Variants in PRR16 observed in about 807,000 individuals in gnomAD.
PRR16 encodes the protein protein Largen.
In PRR16, 6 loss-of-function variants were observed where a neutral mutation model predicts 18.2. The observed-to-expected ratio is 0.33, with a 90% CI of 0.18 to 0.65. The LOEUF (loss-of-function observed/expected upper bound fraction) is 0.65, where lower values mean the gene tolerates loss of function less well. PRR16 is among the 30% of genes least tolerant of loss of function. The pLI is 0.74. For synonymous variants in PRR16, 151 were observed against 147.8 expected, an observed-to-expected ratio of 1.02 and a Z score of -0.16; for missense variants, 412 against 376.6, an observed-to-expected ratio of 1.09 and a Z score of -0.78.
chr5:120,636,736 A>G (rs2112848857), intron 1 of PRR16, among the ~76,000 whole-genome samples: 1 of 152,244 alleles, frequency 6.6e-6, no homozygotes, highest in Non-Finnish European at 1.5e-5. Flanking sequence ...ACACTTCATG[A>G]TCAAGAACCC....
At chr5:120,483,509 A>T (rs1231582389) in intron 1 of PRR16, among the ~76,000 whole-genome samples, 3 of 152,234 alleles carry the variant, frequency 2.0e-5, no homozygotes, top group East Asian at 1.9e-4. Context: ...AATACATTTG[A>T]CATTATTTCT....
At chr5:120,733,298 G>A in the PRR16 span, among the ~76,000 whole-genome samples, 3 of 151,918 alleles carry the variant, frequency 2.0e-5, no homozygotes, top group Admixed American at 6.6e-5. Flanking sequence ...CTACAGGAGT[G>A]TGCCATCATG....
At chr5:120,655,939 C>G (rs1409243022) in intron 1 of PRR16, among the ~76,000 whole-genome samples, 1 of 151,810 alleles carries the variant, frequency 6.6e-6, no homozygotes, top group Non-Finnish European at 1.5e-5. Flanking sequence ...CCTTGAATCA[C>G]TATCACTGTC....
intron 1 of PRR16, among the ~76,000 whole-genome samples, chr5:120,580,261 T>C (rs1366682140): frequency 6.6e-6 from 1 of 152,100 alleles, no homozygotes; most frequent in Non-Finnish European, 1.5e-5. Flanking sequence ...GAACTTCCAA[T>C]ACTATGTTGA....
chr5:120,629,608 C>T (rs1754988014), intron 1 of PRR16, among the ~76,000 whole-genome samples: 1 of 152,038 alleles, frequency 6.6e-6, no homozygotes, highest in Non-Finnish European at 1.5e-5. Context: ...TACAACATTG[C>T]TTCTTTAAAT....
At chr5:120,655,576 A>G (rs530664888) in intron 1 of PRR16, among the ~76,000 whole-genome samples, 1 of 151,894 alleles carries the variant, frequency 6.6e-6, no homozygotes, top group East Asian at 1.9e-4. Context: ...TTTTCCCCCA[A>G]AATATTTCTT....
chr5:120,583,931 A>C (rs1753354526), intron 1 of PRR16, among the ~76,000 whole-genome samples: 1 of 152,232 alleles, frequency 6.6e-6, no homozygotes, highest in Non-Finnish European at 1.5e-5. Flanking sequence ...ATTTAATTTA[A>C]CACTTACTAA....
At chr5:120,789,726 G>C in the PRR16 span, among the ~76,000 whole-genome samples, 1 of 151,946 alleles carries the variant, frequency 6.6e-6, no homozygotes, top group East Asian at 1.9e-4. Flanking sequence ...TCATACTACT[G>C]TACTTAAATT....
At chr5:120,725,394 G>A in the PRR16 span, among the ~76,000 whole-genome samples, 1 of 150,122 alleles carries the variant, frequency 6.7e-6, no homozygotes, top group Non-Finnish European at 1.5e-5. Context: ...AGTGGCTCAC[G>A]TTTGTAATCC....
chr5:120,657,516 G>A (rs1756023267), intron 1 of PRR16, among the ~76,000 whole-genome samples: 1 of 151,806 alleles, frequency 6.6e-6, no homozygotes. Context: ...CTGGAGAGCT[G>A]GTTGTTAGAC....
intron 1 of PRR16, among the ~76,000 whole-genome samples, chr5:120,626,744 A>C (rs1348848411): frequency 2.0e-5 from 3 of 152,134 alleles, no homozygotes; most frequent in East Asian, 1.9e-4. Flanking sequence ...TTTTAAACTT[A>C]TCTGTGGTTC....
the PRR16 span, among the ~76,000 whole-genome samples, chr5:120,775,858 G>C: frequency 6.9e-6 from 1 of 144,694 alleles, no homozygotes; most frequent in Non-Finnish European, 1.5e-5. Flanking sequence ...ATGTTGTCCA[G>C]GCTGGTCTCG....
the PRR16 span, among the ~76,000 whole-genome samples, chr5:120,699,528 T>G: frequency 2.0e-5 from 3 of 152,022 alleles, no homozygotes; most frequent in African/African-American, 7.2e-5. Context: ...AAAGTGAGTA[T>G]AGCTGAAGGA....
chr5:120,630,696 TTTGA>T (rs1175258599), intron 1 of PRR16, among the ~76,000 whole-genome samples: 1 of 151,838 alleles, frequency 6.6e-6, no homozygotes, highest in Non-Finnish European at 1.5e-5. Flanking sequence ...AGGTTCCTTC[TTTGA>T]TTGAGATATC....
intron 1 of PRR16, among the ~76,000 whole-genome samples, chr5:120,571,474 G>A (rs1752905183): frequency 1.3e-5 from 2 of 152,128 alleles, no homozygotes; most frequent in South Asian, 4.1e-4. Context: ...ATCATGTAGG[G>A]CTATCAAAGC....
rs181190065 is a variant in PRR16, at chr5:120,588,623, G to A, written c.160-97331G>A. On this transcript the variant is annotated intron_variant, in intron 1 of 1. Transcript: ENST00000407149. ...TGCTATTACATACATATAGACTACAGTATAAAGTTGATTTTTATATGCAGT... is the reference window on the plus strand; with the variant it reads ...TGCTATTACATACATATAGACTACAATATAAAGTTGATTTTTATATGCAGT... 4.6e-5 allele frequency among the ~76,000 whole-genome samples: 7 copies of A among 152,274 alleles called. No homozygotes were observed. The East Asian group carries it at 1.4e-3, about 29-fold the overall frequency.
the PRR16 span, among the ~76,000 whole-genome samples, chr5:120,721,210 G>C: frequency 6.6e-6 from 1 of 151,956 alleles, no homozygotes; most frequent in Non-Finnish European, 1.5e-5. Context: ...TAAGAACATA[G>C]AGATGTATCA....
At chr5:120,688,741 T>C (rs1310409029), downstream of PRR16, among the ~76,000 whole-genome samples, 1 of 152,178 alleles carries the variant, frequency 6.6e-6, no homozygotes, top group Non-Finnish European at 1.5e-5. Context: ...CACTTTTCGA[T>C]GTCGGGGATC....
chr5:120,541,470 A>T (rs1751912555), intron 1 of PRR16, among the ~76,000 whole-genome samples: 1 of 152,090 alleles, frequency 6.6e-6, no homozygotes, highest in South Asian at 2.1e-4. Flanking sequence ...AAAAGCCTGA[A>T]TGTTTTTGCT....
Sources: allele counts gnomAD v4.1 joint callset (sites outside exome capture counted in the v4.1 genomes callset), GRCh38; gene constraint gnomAD v4.1.1; transcripts MANE v1.5; gene names NCBI Gene and HGNC (gene_info 2026-07-23, HGNC 2026-07-21).